Variants in KCTD8 observed in about 807,000 individuals in gnomAD.
The protein encoded by KCTD8 is BTB/POZ domain-containing protein KCTD8.
A neutral mutation model predicts 31.5 loss-of-function variants in KCTD8; 27 were observed. The observed-to-expected ratio is 0.86, with a 90% CI of 0.63 to 1.18. The LOEUF is 1.18. Among genes scored for constraint, KCTD8 ranks in the 50% most tolerant of loss-of-function variants. The pLI, the probability that KCTD8 is intolerant of heterozygous loss-of-function variation, is 0.00. For synonymous variants in KCTD8, 290 were observed against 280.0 expected, an observed-to-expected ratio of 1.04 and a Z score of -0.36; for missense variants, 658 against 647.7, an observed-to-expected ratio of 1.02 and a Z score of -0.17.
intron 1 of KCTD8, among the ~76,000 whole-genome samples, chr4:44,261,372 A>C (rs141591283): frequency 6.6e-6 from 1 of 152,120 alleles, no homozygotes; most frequent in African/African-American, 2.4e-5. Context: ...AAATTTAGCC[A>C]TAATCAGAGT....
At chr4:44,377,000 G>C (rs1230623772) in intron 1 of KCTD8, among the ~76,000 whole-genome samples, 1 of 152,108 alleles carries the variant, frequency 6.6e-6, no homozygotes, top group Admixed American at 6.6e-5. Flanking sequence ...ACATTTGCAG[G>C]ACTCAGTAAA....
At chr4:44,392,091 C>T (rs1028297787) in intron 1 of KCTD8, among the ~76,000 whole-genome samples, 4 of 151,902 alleles carry the variant, frequency 2.6e-5, no homozygotes, top group Non-Finnish European at 5.9e-5. Flanking sequence ...GTCAAAGTGG[C>T]CCTTTTTGCA....
intron 1 of KCTD8, among the ~76,000 whole-genome samples, chr4:44,377,326 T>A (rs74693743): frequency 0.087 from 13,311 of 152,242 alleles, 621 homozygotes; most frequent in Middle Eastern, 0.13. Flanking sequence ...AGCTCCATTC[T>A]CATTTCCTGA....
intron 1 of KCTD8, among the ~76,000 whole-genome samples, chr4:44,337,696 T>G (rs1270106125): frequency 7.9e-6 from 1 of 125,970 alleles, no homozygotes; most frequent in Non-Finnish European, 1.7e-5. Flanking sequence ...TATATATATA[T>G]ATGTGTATAT....
chr4:44,377,498 G>T (rs1025910301), intron 1 of KCTD8, among the ~76,000 whole-genome samples: 2 of 152,142 alleles, frequency 1.3e-5, no homozygotes, highest in African/African-American at 4.8e-5. Context: ...AGTGCCTCAA[G>T]CATAGCCTAA....
At chr4:44,358,784 T>C (rs1719418518) in intron 1 of KCTD8, among the ~76,000 whole-genome samples, 1 of 152,152 alleles carries the variant, frequency 6.6e-6, no homozygotes, top group Non-Finnish European at 1.5e-5. Context: ...TTAGCCAGGA[T>C]GGTCTCGATC....
rs546616180 is a variant in KCTD8, at chr4:44,303,399, C to A, written c.962-128149G>T. Reference sequence around the variant, plus strand: ...TTGATTATTGCCACAATTTCAGATCCTGTTATTGGTCTATTCAGAGATTCA... The same window carrying A: ...TTGATTATTGCCACAATTTCAGATCATGTTATTGGTCTATTCAGAGATTCA... On this transcript the variant is annotated intron_variant, in intron 1 of 1. Coordinates refer to ENST00000360029, the MANE Select transcript of KCTD8 (RefSeq NM_198353.3). 1.6e-4 allele frequency among the ~76,000 whole-genome samples: 24 copies of A among 152,154 alleles called. 1 individual carries two copies. In the South Asian group the frequency reaches 4.4e-3, roughly 28 times the overall value.
intron 1 of KCTD8, among the ~76,000 whole-genome samples, chr4:44,340,265 A>T (rs534285896): frequency 6.6e-6 from 1 of 152,214 alleles, no homozygotes; most frequent in Non-Finnish European, 1.5e-5. Flanking sequence ...GAATATATTT[A>T]TAATACATAA....
intron 1 of KCTD8, among the ~76,000 whole-genome samples, chr4:44,250,168 T>C (rs1409623322): frequency 6.6e-6 from 1 of 151,782 alleles, no homozygotes; most frequent in Non-Finnish European, 1.5e-5. Flanking sequence ...TTTAGGCTCT[T>C]AGAAGTGAAT....
intron 1 of KCTD8, among the ~76,000 whole-genome samples, chr4:44,241,683 C>T (rs1187353767): frequency 6.6e-6 from 1 of 152,142 alleles, no homozygotes; most frequent in Non-Finnish European, 1.5e-5. Flanking sequence ...ATTAAATTCT[C>T]AGTTCAATGA....
intron 1 of KCTD8, among the ~76,000 whole-genome samples, chr4:44,375,165 T>C (rs1719888367): frequency 6.6e-6 from 1 of 151,972 alleles, no homozygotes; most frequent in African/African-American, 2.4e-5. Flanking sequence ...TATAAGACAA[T>C]AAAGAGTCAG....
At chr4:44,280,221 A>G (rs1716867600) in intron 1 of KCTD8, among the ~76,000 whole-genome samples, 1 of 152,078 alleles carries the variant, frequency 6.6e-6, no homozygotes, top group South Asian at 2.1e-4. Flanking sequence ...CCTGAATTAA[A>G]CAGAGAGAAT....
At chr4:44,390,664 T>G (rs1294067369) in intron 1 of KCTD8, among the ~76,000 whole-genome samples, 3 of 152,006 alleles carry the variant, frequency 2.0e-5, no homozygotes, top group Admixed American at 2.0e-4. Flanking sequence ...TTTTTTCTAG[T>G]TCTGCGAAGC....
In KCTD8 at chr4:44,411,060, G is replaced by T. The variant is rs140385305; in HGVS notation, c.961+36503C>A. 2.8e-3 allele frequency among the ~76,000 whole-genome samples: 433 copies of T among 152,190 alleles called. 1 individual carries two copies. Among genetic ancestry groups the T allele is most frequent in the Non-Finnish European group, 5.0e-3 (340 of 68,022 alleles). On this transcript the variant is annotated intron_variant, in intron 1 of 1. Coordinates refer to ENST00000360029, the MANE Select transcript of KCTD8 (RefSeq NM_198353.3). ...AATCCTAGTGAATACTAGGTCCCAA[G>T]AATAGTGCATAAAAATGTAGAAAAA...
intron 1 of KCTD8, among the ~76,000 whole-genome samples, chr4:44,206,577 G>A (rs921321935): frequency 3.3e-5 from 5 of 152,190 alleles, no homozygotes; most frequent in African/African-American, 1.2e-4. Context: ...GTGGTCCCTG[G>A]TCAGACAGGC....
intron 1 of KCTD8, among the ~76,000 whole-genome samples, chr4:44,284,972 A>C (rs1259306363): frequency 6.6e-6 from 1 of 152,176 alleles, no homozygotes; most frequent in East Asian, 1.9e-4. Flanking sequence ...TCAGGAAACA[A>C]CAGATTCTGC....
intron 1 of KCTD8, among the ~76,000 whole-genome samples, chr4:44,313,909 T>G (rs1411393357): frequency 6.6e-6 from 1 of 152,224 alleles, no homozygotes. Flanking sequence ...AAGGCATATC[T>G]GCCAAACTTA....
intron 1 of KCTD8, among the ~76,000 whole-genome samples, chr4:44,301,411 A>G (rs2109392625): frequency 6.6e-6 from 1 of 152,310 alleles, no homozygotes. Context: ...TTGCCATTCT[A>G]ACTGGCGTGA....
At chr4:44,361,528 G>A (rs1266273607) in intron 1 of KCTD8, among the ~76,000 whole-genome samples, 4 of 152,008 alleles carry the variant, frequency 2.6e-5, no homozygotes, top group African/African-American at 4.8e-5. Context: ...CTCTTAAAAA[G>A]TAGGAAACAT....
Sources: allele counts gnomAD v4.1 joint callset (sites outside exome capture counted in the v4.1 genomes callset), GRCh38; gene constraint gnomAD v4.1.1; transcripts MANE v1.5; gene names NCBI Gene and HGNC (gene_info 2026-07-23, HGNC 2026-07-21).